The following AMPD2 variants were observed in gnomAD, a reference collection of about 807,000 sequenced individuals.
AMPD2 encodes the protein adenosine monophosphate deaminase 2.
AMPD2 carries 52 observed loss-of-function variants against 91.3 expected under a neutral mutation model. That is an observed-to-expected ratio of 0.57 (90% CI 0.46 to 0.72). The LOEUF is 0.72. Ranked by LOEUF, AMPD2 falls within the 30% of genes least tolerant of loss-of-function variation. The pLI is 0.00. For synonymous variants in AMPD2, 455 were observed against 456.4 expected, an observed-to-expected ratio of 1.00 and a Z score of 0.04; for missense variants, 822 against 1,122.3, an observed-to-expected ratio of 0.73 and a Z score of 3.82.
chr1:109,629,007 G>T, intron 13 of AMPD2, 102 bp from the exon 14 acceptor site: 1 of 1,519,662 alleles, frequency 6.6e-7, no homozygotes, highest in South Asian at 1.3e-5. Flanking sequence ...TGGTTCAGAT[G>T]CGCCCCTGCG....
chr1:109,620,825 G>GGTGA (rs1240454762), intron 1 of AMPD2, 89 bp from the exon 2 acceptor site: 22 of 1,386,692 alleles, frequency 1.6e-5, no homozygotes, highest in Non-Finnish European at 2.1e-5. Flanking sequence ...GGCATGATGG[G>GGTGA]GTGAGGGCTC....
chr1:109,620,690 C>T, intron 1 of AMPD2: 2 of 1,209,144 alleles, frequency 1.7e-6, no homozygotes, highest in Non-Finnish European at 2.1e-6. Flanking sequence ...CTGCCCTGCC[C>T]CGGGAGGACT....
At position 109,628,741 on chromosome 1, in the gene AMPD2, C is replaced by T; in HGVS notation, c.1506C>T (p.Arg502=). Residue 502 remains arginine (R), a synonymous_variant, in exon 13 of 19, where the codon CGC becomes CGT. Coordinates refer to ENST00000528667, the MANE Select transcript of AMPD2 (RefSeq NM_001368809.2). This position sits in a 1 kb window ranked among gnomAD's most constrained non-coding sequence, Gnocchi z 7.1. ...GGGATGAGTGGGACAAGCTGGCGCG[C>T]TGGGCCGTCATGCACCGCGTGCACT... ...RSRDEWDKLA[R]WAVMHRVHSP... is the part of the protein sequence containing the mutation. The T allele has an allele frequency of 6.2e-7, 1 of 1,604,462 alleles. No homozygotes were observed. Among genetic ancestry groups the T allele is most frequent in the Non-Finnish European group, 8.5e-7 (1 of 1,175,076 alleles).
chr1:109,629,685 C>T (rs1056219586), intron 15 of AMPD2, 111 bp from the exon 16 acceptor site: 21 of 1,489,952 alleles, frequency 1.4e-5, no homozygotes, highest in Admixed American at 6.3e-5. Context: ...TTATCCCAGG[C>T]CTGCATAGTT....
Position 109,625,174 on chromosome 1 carries a change from C to T in AMPD2, c.92-129C>T. The T allele has an allele frequency of 7.8e-7, 1 of 1,278,546 alleles. No homozygotes were observed. The highest frequency in any genetic ancestry group is 1.4e-5 in the South Asian group (1 of 70,128). The allele number at this position is 1,278,546 out of a possible 1,614,324, so 79.2% of individuals were successfully genotyped here. ...CCACACACACAGGCCTACTCCTCAG[C>T]TACTGAGGAGGGACTGCCCTCTTTC... On this transcript the variant is annotated intron_variant, in intron 2 of 18. Coordinates refer to ENST00000528667, the MANE Select transcript of AMPD2 (RefSeq NM_001368809.2). The surrounding 1 kb of genome is among the most constrained non-coding windows in gnomAD (Gnocchi z 4.0).
intron 1 of AMPD2, 186 bp from the exon 2 acceptor site, chr1:109,620,713 GGACTCGCTCGCTGCT>G: frequency 8.2e-7 from 1 of 1,225,834 alleles, no homozygotes. Flanking sequence ...GTTTGAGCTT[GGACTCGCTCGCTGCT>G]GAATTCCTGT....
In AMPD2 at chr1:109,626,634, G is replaced by A. The variant is rs190168259; in HGVS notation, c.532-92G>A. Reference sequence around the variant, plus strand: ...TTCCTGGGGGTCAGGGCCTGTGGGAGGTGGGGATAGTTTGGGTTCTAAGAT... The same window carrying A: ...TTCCTGGGGGTCAGGGCCTGTGGGAAGTGGGGATAGTTTGGGTTCTAAGAT... On this transcript the variant is annotated intron_variant, in intron 6 of 18. Coordinates refer to ENST00000528667, the MANE Select transcript of AMPD2 (RefSeq NM_001368809.2). 3.2e-5 allele frequency: 48 copies of A among 1,503,380 alleles called. No homozygotes were observed. The African/African-American group carries it at 6.2e-4, about 20-fold the overall frequency. 93.1% of individuals were successfully genotyped at this position (1,503,380 alleles called of 1,614,324 possible).
chr1:109,630,759 G>GC lies in AMPD2; in HGVS notation c.2235dup (p.Asn746GlnfsTer27). On this transcript the variant is annotated frameshift_variant, in exon 18 of 19. Transcript: ENST00000528667. LOFTEE classifies it high-confidence loss of function. ...TCCTGCGATATGTGTGAGCTGGCCC[G>GC]CAACAGCGTGCTCATGAGCGGCTTC... 1.2e-6 allele frequency: 2 copies of GC among 1,610,956 alleles called. No individual in the cohort carries two copies. The highest frequency in any genetic ancestry group is 1.7e-6 in the Non-Finnish European group (2 of 1,178,872).
intron 2 of AMPD2, 170 bp downstream of exon 2, chr1:109,621,436 T>TGGGGGG (rs2101142576): frequency 1.6e-5 from 2 of 122,442 alleles, no homozygotes; most frequent in East Asian, 3.0e-4. Context: ...GGGTGAGGGG[T>TGGGGGG]GGTGGGGGGC....
In AMPD2 at chr1:109,626,060, C is replaced by A. The variant is rs1650651126; in HGVS notation, c.354-100C>A. 18 of 1,334,666 alleles carry A rather than the reference C, an allele frequency of 1.3e-5. No homozygotes were observed. In the South Asian group the frequency reaches 2.1e-4, roughly 15 times the overall value. The allele number at this position is 1,334,666 out of a possible 1,614,324, so 82.7% of individuals were successfully genotyped here. On this transcript the variant is annotated intron_variant, in intron 4 of 18. Transcript: ENST00000528667. ...TCTGCAGCTCTGCCTTTGAGGATCA[C>A]ATGTGACAACATGTGCACAGCACCT...
Position 109,625,358 on chromosome 1 carries a change from C to A in AMPD2, c.147C>A (p.Gly49=), listed in dbSNP as rs879178371. The A allele has an allele frequency of 6.2e-7, 1 of 1,613,618 alleles. No homozygotes were observed. The highest frequency in any genetic ancestry group is 8.5e-7 in the Non-Finnish European group (1 of 1,179,950). ...PPLQSARSLP[G]PAPCLKHFPL... is the part of the protein sequence containing the mutation. ...TGCAGTCTGCCCGATCCCTGCCGGG[C>A]CCCGCCCCCTGCCTCAAGCACTTCC... The change falls in exon 3 of 19, where the codon GGC becomes GGA. Residue 49 remains glycine, a synonymous_variant. Coordinates refer to ENST00000528667, the MANE Select transcript of AMPD2 (RefSeq NM_001368809.2). This position sits in a 1 kb window ranked among gnomAD's most constrained non-coding sequence, Gnocchi z 4.0.
At position 109,619,943 on chromosome 1, in the gene AMPD2, G is replaced by A. The variant is rs1650107910; in HGVS notation, c.-598G>A. ...CGGGAGTCCGACCCTGAATGCCCAG[G>A]GAGTGTTGAGAGAAATCTGGACGAG... On this transcript the variant is annotated 5_prime_UTR_variant, in exon 1 of 19. Transcript: ENST00000528667. The A allele has an allele frequency of 4.9e-6, 2 of 406,250 alleles. No homozygotes were observed. The highest frequency in any genetic ancestry group is 9.3e-6 in the Non-Finnish European group (2 of 214,988). 25.2% of individuals were successfully genotyped at this position (406,250 alleles called of 1,614,324 possible).
At chr1:109,626,507 G>T in intron 6 of AMPD2, 80 bp downstream of exon 6, 1 of 1,428,434 alleles carries the variant, frequency 7.0e-7, no homozygotes, top group East Asian at 2.4e-5. Context: ...GCTGGGGGTG[G>T]GGGCTGGAAA....
chr1:109,626,161 C>G lies in AMPD2; in HGVS notation c.355C>G (p.Leu119Val). ...ACTTCTCACCCCTCTTGCCTCTAGG[C>G]TGGAGCCAGACATCCTGCTTCGGGC... The part of the protein sequence containing the change: ...LERQISQDVK[L>V]EPDILLRAKQ... Residue 119 changes from leucine (L) to valine (V), a missense_variant and splice_region_variant, in exon 5 of 19, where the codon CTG becomes GTG. Physicochemically the swap from Leu to Val is conservative, Grantham distance 32. Around this residue, in one of 5 missense-constraint regions of AMPD2, gnomAD observed 240 missense variants for 270.3 expected, o/e 0.89. Transcript: ENST00000528667. 1 of 1,614,142 alleles carries G rather than the reference C, an allele frequency of 6.2e-7. No individual in the cohort carries two copies. Among genetic ancestry groups the G allele is most frequent in the East Asian group, 2.2e-5 (1 of 44,878 alleles).
rs1464625127 is a variant in AMPD2, at chr1:109,628,024, C to A, written c.1081-59C>A. 2.5e-6 allele frequency: 4 copies of A among 1,597,424 alleles called. No homozygotes were observed. In the African/African-American group the frequency reaches 4.0e-5, roughly 16 times the overall value. On this transcript the variant is annotated intron_variant, in intron 10 of 18. Coordinates refer to ENST00000528667, the MANE Select transcript of AMPD2 (RefSeq NM_001368809.2). The surrounding 1 kb of genome is among the most constrained non-coding windows in gnomAD (Gnocchi z 7.1). ...CAGAGGGTCCTTTCCCATTGCACTG[C>A]CCCAGGCCCCAGACCTTCCTGGCCT...
At position 109,629,904 on chromosome 1, in the gene AMPD2, C is replaced by T. The variant is rs1651052748; in HGVS notation, c.1971C>T (p.Leu657=). The change falls in exon 16 of 19, where the codon CTC becomes CTT. Residue 657 remains leucine, a synonymous_variant. Transcript: ENST00000528667. The part of the protein sequence containing the change: ...FMLAENISHG[L]LLRKAPVLQY... ...TGGCTGAGAACATTTCCCACGGGCT[C>T]CTTCTGCGCAAGGTCAGGATCTGCA... 3 of 1,608,818 alleles carry T rather than the reference C, an allele frequency of 1.9e-6. No homozygotes were observed. Among genetic ancestry groups the T allele is most frequent in the Non-Finnish European group, 2.5e-6 (3 of 1,176,704 alleles).
rs1650893818 is a variant in AMPD2 at position 109,628,303 on chromosome 1, G to A, written c.1275+26G>A. 1 of 1,612,952 alleles carries A rather than the reference G, an allele frequency of 6.2e-7. No individual in the cohort carries two copies. Among genetic ancestry groups the A allele is most frequent in the Non-Finnish European group, 8.5e-7 (1 of 1,179,142 alleles). ...GTCTGTGCCAGTGGCGTGGGCTGTG[G>A]GACTGAGTCAGTCAGGGGACCAGGA... On this transcript the variant is annotated intron_variant, in intron 11 of 18. Transcript: ENST00000528667. This position sits in a 1 kb window ranked among gnomAD's most constrained non-coding sequence, Gnocchi z 7.1.
intron 2 of AMPD2, 189 bp downstream of exon 2, chr1:109,621,455 G>C: frequency 2.9e-6 from 2 of 679,924 alleles, no homozygotes; most frequent in South Asian, 1.6e-5. Flanking sequence ...GCGGGGGGTG[G>C]ATCTGAGATA....
At position 109,627,582 on chromosome 1, in the gene AMPD2, C is replaced by G. The variant is rs1234423477; in HGVS notation, c.950+64C>G. The G allele has an allele frequency of 2.1e-5, 33 of 1,586,618 alleles. No individual in the cohort carries two copies. The South Asian group carries it at 2.9e-4, about 14-fold the overall frequency. On this transcript the variant is annotated intron_variant, in intron 9 of 18. Coordinates refer to ENST00000528667, the MANE Select transcript of AMPD2 (RefSeq NM_001368809.2). Reference sequence around the variant, plus strand: ...CAGCCCAGATTCTCCAGCCCCAGTTCTGCCCCAGACTCCCATCACCTGGTG... The same window carrying G: ...CAGCCCAGATTCTCCAGCCCCAGTTGTGCCCCAGACTCCCATCACCTGGTG...
Sources: allele counts gnomAD v4.1 joint callset, GRCh38; gene constraint gnomAD v4.1.1; regional missense constraint gnomAD v4.1.1; non-coding constraint Gnocchi (gnomAD v3.1); transcripts MANE v1.5; gene names NCBI Gene and HGNC (gene_info 2026-07-23, HGNC 2026-07-21).